The following GTF2A1L variants were observed in gnomAD, a reference collection of about 807,000 sequenced individuals.
GTF2A1L encodes the protein TFIIA-alpha and beta-like factor.
A neutral mutation model predicts 49.7 loss-of-function variants in GTF2A1L; 48 were observed. The observed-to-expected ratio is 0.97, with a 90% CI of 0.77 to 1.23. The LOEUF (loss-of-function observed/expected upper bound fraction) is 1.23, where lower values mean the gene tolerates loss of function less well. Among genes scored for constraint, GTF2A1L ranks in the 50% most tolerant of loss-of-function variants. The pLI is 0.00. For missense variants in GTF2A1L, 736 were observed against 564.8 expected (o/e 1.30, Z -3.07); for synonymous variants, 246 against 193.5 (o/e 1.27, Z -2.25).
At chr2:48,631,040 T>A (rs904161916) in intron 3 of GTF2A1L, among the ~76,000 whole-genome samples, 2 of 152,338 alleles carry the variant, frequency 1.3e-5, no homozygotes, top group African/African-American at 4.8e-5. Context: ...GTTAAGGATT[T>A]TTGCTCTGTG....
In GTF2A1L at chr2:48,628,747, T is replaced by C. The variant is rs1049292980; in HGVS notation, c.247+7457T>C. ...AGGTCTCACTTGTCAATTTTGTTTT[T>C]GTTGCAATTGCTTTTGAGAATTTAG... On this transcript the variant is annotated intron_variant, in intron 3 of 8. Transcript: ENST00000403751. 2.1e-5 allele frequency among the ~76,000 whole-genome samples: 3 copies of C among 144,158 alleles called. 1 individual carries two copies. The highest frequency in any genetic ancestry group is 4.7e-5 in the Non-Finnish European group (3 of 64,064). The allele number at this position is 144,158 out of a possible 152,430, so 94.6% of individuals were successfully genotyped here.
At chr2:48,629,185 G>T (rs1197710646) in intron 3 of GTF2A1L, among the ~76,000 whole-genome samples, 1 of 141,984 alleles carries the variant, frequency 7.0e-6, no homozygotes, top group Non-Finnish European at 1.6e-5. Context: ...AGGTTGCAGT[G>T]AGCCAAGATC....
intron 6 of GTF2A1L, among the ~76,000 whole-genome samples, chr2:48,649,066 T>G (rs1182299781): frequency 2.6e-5 from 4 of 152,228 alleles, no homozygotes; most frequent in Non-Finnish European, 5.9e-5. Flanking sequence ...TGTTTGAACA[T>G]TCTGTTTCAC....
In GTF2A1L at chr2:48,646,349, T is replaced by G. The variant is rs1430538822; in HGVS notation, c.389-104T>G. 4 of 1,127,450 alleles carry G rather than the reference T, an allele frequency of 3.5e-6. No homozygotes were observed. In the African/African-American group the frequency reaches 6.4e-5, roughly 18 times the overall value. The allele number at this position is 1,127,450 out of a possible 1,614,324, so 69.8% of individuals were successfully genotyped here. On this transcript the variant is annotated intron_variant, in intron 5 of 8. Transcript: ENST00000403751. The stretch of plus-strand genomic sequence containing the variant: ...AACCACCATTAACATATTGGTGTAT[T>G]TTTTTCCAGCCTTTGTGGATGAGAT...
At chr2:48,633,058 C>G (rs1037548429) in intron 3 of GTF2A1L, 1 of 250,844 alleles carries the variant, frequency 4.0e-6, no homozygotes, top group African/African-American at 2.3e-5. Context: ...TTCATGTTGG[C>G]CTTTGATTGA....
At chr2:48,651,286 C>T (rs776284438) in intron 6 of GTF2A1L, among the ~76,000 whole-genome samples, 5 of 152,056 alleles carry the variant, frequency 3.3e-5, no homozygotes, top group East Asian at 1.9e-4. Context: ...ATTTCTTTCA[C>T]GTTTGGCTGG....
rs557352675 is a variant in GTF2A1L at position 48,641,442 on chromosome 2, C to G, written c.248-960C>G. Among the ~76,000 whole-genome samples, 16 of 152,204 alleles carry G rather than the reference C, an allele frequency of 1.1e-4. 1 individual carries two copies. In the East Asian group the frequency reaches 3.1e-3, roughly 29 times the overall value. Reference sequence around the variant, plus strand: ...TTATGTGACGGAGCCATTCTAATGTCAGGAACAGATCTTTGGGGCAATTTT... The same window carrying G: ...TTATGTGACGGAGCCATTCTAATGTGAGGAACAGATCTTTGGGGCAATTTT... On this transcript the variant is annotated intron_variant, in intron 3 of 8. Transcript: ENST00000403751.
At chr2:48,669,641 G>A in intron 6 of GTF2A1L, 81 bp from the exon 7 acceptor site, 1 of 1,494,324 alleles carries the variant, frequency 6.7e-7, no homozygotes, top group African/African-American at 1.4e-5. Flanking sequence ...TTTGTGGAAT[G>A]TTTGTTAATT....
chr2:48,635,816 G>C (rs1676855195), intron 3 of GTF2A1L, among the ~76,000 whole-genome samples: 1 of 152,026 alleles, frequency 6.6e-6, no homozygotes, highest in African/African-American at 2.4e-5. Flanking sequence ...TCCTGTGCTT[G>C]GTCCTATGTC....
intron 6 of GTF2A1L, among the ~76,000 whole-genome samples, chr2:48,650,196 T>C (rs1216544003): frequency 6.6e-6 from 1 of 152,234 alleles, no homozygotes; most frequent in African/African-American, 2.4e-5. Flanking sequence ...TCTAAGAATA[T>C]ATACACACTC....
At chr2:48,663,008 C>A (rs1035047398) in intron 6 of GTF2A1L, among the ~76,000 whole-genome samples, 1 of 151,916 alleles carries the variant, frequency 6.6e-6, no homozygotes, top group Admixed American at 6.6e-5. Flanking sequence ...ACTAAACCCC[C>A]GTGACACATA....
At chr2:48,618,891 G>C (rs1297635909) in intron 1 of GTF2A1L, among the ~76,000 whole-genome samples, 2 of 152,170 alleles carry the variant, frequency 1.3e-5, no homozygotes, top group Non-Finnish European at 2.9e-5. Context: ...GAAAAACTGT[G>C]TTCTAATGGG....
rs1459981456 is a variant in GTF2A1L at position 48,656,569 on chromosome 2, T to C, written c.978+9527T>C. On this transcript the variant is annotated intron_variant, in intron 6 of 8. Transcript: ENST00000403751. ...TGTTTGCTCTGTTGTTGTTGACTTGTAGTTCTTTATATATCCTGGATATTC... is the reference window on the plus strand; with the variant it reads ...TGTTTGCTCTGTTGTTGTTGACTTGCAGTTCTTTATATATCCTGGATATTC... 2.7e-4 allele frequency among the ~76,000 whole-genome samples: 41 copies of C among 152,032 alleles called. 1 individual carries two copies. Among genetic ancestry groups the C allele is most frequent in the Admixed American group, 2.7e-3 (41 of 15,258 alleles).
At chr2:48,673,938 G>C (rs1679313494) in intron 8 of GTF2A1L, among the ~76,000 whole-genome samples, 2 of 152,150 alleles carry the variant, frequency 1.3e-5, no homozygotes, top group Non-Finnish European at 2.9e-5. Context: ...CAGGGGAGAA[G>C]GGTGAGGGCA....
chr2:48,669,866 A>G lies in GTF2A1L; in HGVS notation c.1123A>G (p.Asn375Asp), dbSNP rs1361817809. ...TGCAGATGAGAATGAATTTCTAGGG[A>G]ATATTGACGGGGGAGATCTGAAGGT... is the stretch of plus-strand genomic sequence containing the variant. Reference protein sequence around the residue: ...RDADENEFLGNIDGGDLKVPE... With the variant: ...RDADENEFLGDIDGGDLKVPE... The change falls in exon 7 of 9, where the codon AAT (asparagine) becomes GAT (aspartate). Residue 375 changes from asparagine to aspartate, a missense_variant. Physicochemically the swap from Asn to Asp is conservative, Grantham distance 23. Transcript: ENST00000403751. 43 of 1,613,928 alleles carry G rather than the reference A, an allele frequency of 2.7e-5. No homozygotes were observed. The Admixed American group carries it at 7.2e-4, about 27-fold the overall frequency.
At chr2:48,675,623 T>C (rs1679428303) in intron 8 of GTF2A1L, among the ~76,000 whole-genome samples, 1 of 151,914 alleles carries the variant, frequency 6.6e-6, no homozygotes, top group Non-Finnish European at 1.5e-5. Context: ...ATAGCGAAAA[T>C]TAATGGTGAA....
At chr2:48,633,452 G>A (rs1027704289) in intron 3 of GTF2A1L, 3 of 152,612 alleles carry the variant, frequency 2.0e-5, no homozygotes, top group Non-Finnish European at 4.4e-5. Flanking sequence ...TGGTGGGTGG[G>A]AGGAGTGGGT....
chr2:48,671,205 T>C (rs1379534460), intron 7 of GTF2A1L, among the ~76,000 whole-genome samples: 1 of 151,998 alleles, frequency 6.6e-6, no homozygotes, highest in Non-Finnish European at 1.5e-5. Context: ...CTTTGTTTTG[T>C]TTTGGTTTGG....
At position 48,620,394 on chromosome 2, in the gene GTF2A1L, T is replaced by C. The variant is rs79355680; in HGVS notation, c.22-457T>C. Reference sequence around the variant, plus strand: ...TAAGACTATATTGGGAATAGGAATGTACATAGTAAAAGTTTTAATGGTGAC... The same window carrying C: ...TAAGACTATATTGGGAATAGGAATGCACATAGTAAAAGTTTTAATGGTGAC... On this transcript the variant is annotated intron_variant, in intron 1 of 8. Coordinates refer to ENST00000403751, the MANE Select transcript of GTF2A1L (RefSeq NM_006872.5). Among the ~76,000 whole-genome samples, 11 of 152,354 alleles carry C rather than the reference T, an allele frequency of 7.2e-5. No homozygotes were observed. The East Asian group carries it at 2.1e-3, about 29-fold the overall frequency.
Sources: gnomAD v4.1 joint callset for allele counts (sites outside exome capture counted in the v4.1 genomes callset) on GRCh38, gnomAD v4.1.1 for gene constraint, MANE v1.5 for transcripts, NCBI Gene and HGNC (gene_info 2026-07-23, HGNC 2026-07-21) for gene names.